Variants in PCDHGB1 observed in about 807,000 individuals in gnomAD.
PCDHGB1 encodes protocadherin gamma subfamily B, 1, also known as protocadherin gamma-B1.
A neutral mutation model predicts 56.6 loss-of-function variants in PCDHGB1; 34 were observed. The observed-to-expected ratio is 0.60, with a 90% CI of 0.46 to 0.80. The LOEUF is 0.80. Ranked by LOEUF, PCDHGB1 falls within the 30% of genes least tolerant of loss-of-function variation. The pLI, the probability that PCDHGB1 is intolerant of heterozygous loss-of-function variation, is 0.00. For missense variants in PCDHGB1, 1,278 were observed against 1,204.6 expected, an observed-to-expected ratio of 1.06 and a Z score of -0.90; for synonymous variants, 561 against 505.9, an observed-to-expected ratio of 1.11 and a Z score of -1.46.
intron 1 of PCDHGB1, chr5:141,365,501 C>T (rs1377875429): frequency 6.2e-7 from 1 of 1,613,806 alleles, no homozygotes; most frequent in African/African-American, 1.3e-5. Flanking sequence ...TAGGAATTTG[C>T]CTTTTAAATT....
chr5:141,427,881 C>T (rs774499492), intron 1 of PCDHGB1: 6 of 1,563,720 alleles, frequency 3.8e-6, no homozygotes, highest in South Asian at 3.3e-5. Context: ...GATGCAGGCC[C>T]ACGACCAGGG....
chr5:141,485,714 G>A lies in PCDHGB1; in HGVS notation c.2410-9093G>A. 6.2e-7 allele frequency: 1 copy of A among 1,614,182 alleles called. No individual in the cohort carries two copies. The highest frequency in any genetic ancestry group is 8.5e-7 in the Non-Finnish European group (1 of 1,180,042). On this transcript the variant is annotated intron_variant, in intron 1 of 3. Transcript: ENST00000523390. This position sits in a 1 kb window ranked among gnomAD's most constrained non-coding sequence, Gnocchi z 5.7. ...GAGCTCCAATGAACACTTTGCACTG[G>A]ATGTGAAGAAGCGCAGCGACGGCAG...
chr5:141,501,945 T>G (rs1318749969), intron 2 of PCDHGB1, among the ~76,000 whole-genome samples: 5 of 152,106 alleles, frequency 3.3e-5, no homozygotes, highest in African/African-American at 1.2e-4. Context: ...CACTGCTCCC[T>G]GTGACAGGTC....
Position 141,485,563 on chromosome 5 carries a change from C to T in PCDHGB1, c.2410-9244C>T, listed in dbSNP as rs746689576. The T allele has an allele frequency of 1.2e-5, 19 of 1,612,904 alleles. No homozygotes were observed. In the South Asian group the frequency reaches 1.6e-4, roughly 14 times the overall value. ...AGATCGTAGATGTGAATGATCACGCCCCCCGTTTTCCGCGGCAGCAGCTGG... is the reference window on the plus strand; with the variant it reads ...AGATCGTAGATGTGAATGATCACGCTCCCCGTTTTCCGCGGCAGCAGCTGG... On this transcript the variant is annotated intron_variant, in intron 1 of 3. Coordinates refer to ENST00000523390, the MANE Select transcript of PCDHGB1 (RefSeq NM_018922.3). This position sits in a 1 kb window ranked among gnomAD's most constrained non-coding sequence, Gnocchi z 5.7.
At chr5:141,356,309 A>G (rs1276451219) in intron 1 of PCDHGB1, 1 of 1,554,284 alleles carries the variant, frequency 6.4e-7, no homozygotes, top group Non-Finnish European at 8.7e-7. Context: ...GCACTTTTCA[A>G]CGTGCATGAC....
rs1452714844 is a variant in PCDHGB1, at chr5:141,389,265, G to A, written c.2409+36596G>A. ...GTCTTCCTATATAGTCCACGTGGCC[G>A]AGAACAACCCGCCTGGAGCCTCTAT... On this transcript the variant is annotated intron_variant, in intron 1 of 3. Transcript: ENST00000523390. 3.7e-6 allele frequency: 6 copies of A among 1,613,886 alleles called. No homozygotes were observed. The highest frequency in any genetic ancestry group is 4.5e-5 in the East Asian group (2 of 44,886).
Position 141,415,089 on chromosome 5 carries a change from C to T in PCDHGB1, c.2409+62420C>T, listed in dbSNP as rs1159857230. 1.9e-6 allele frequency: 3 copies of T among 1,613,556 alleles called. No individual in the cohort carries two copies. In the South Asian group the frequency reaches 3.3e-5, roughly 18 times the overall value. The stretch of plus-strand genomic sequence containing the variant: ...TGCGCACGGCGCGAGCCCTGCTGGA[C>T]AGAGACGCGCTCAAGCAAAGCCTCG... On this transcript the variant is annotated intron_variant, in intron 1 of 3. Coordinates refer to ENST00000523390, the MANE Select transcript of PCDHGB1 (RefSeq NM_018922.3).
At chr5:141,429,240 TGA>T (rs998506084) in intron 1 of PCDHGB1, 1 of 151,858 alleles carries the variant, frequency 6.6e-6, no homozygotes, top group Non-Finnish European at 1.5e-5. Context: ...CTGCTGTCAT[TGA>T]GATATTTTAA....
chr5:141,449,389 T>C (rs577860793), intron 1 of PCDHGB1, among the ~76,000 whole-genome samples: 5 of 151,964 alleles, frequency 3.3e-5, no homozygotes, highest in African/African-American at 1.2e-4. Flanking sequence ...GGTGGATTAC[T>C]TGAGGCCAGG....
chr5:141,490,106 T>C lies in PCDHGB1; in HGVS notation c.2410-4701T>C, dbSNP rs1314489019. On this transcript the variant is annotated intron_variant, in intron 1 of 3. Coordinates refer to ENST00000523390, the MANE Select transcript of PCDHGB1 (RefSeq NM_018922.3). The surrounding 1 kb of genome is among the most constrained non-coding windows in gnomAD (Gnocchi z 5.4). ...TTTGGAGACCACACATCTGAGGCAG[T>C]GCGGAACCTCTTTGGCCTAGACCCT... 2.5e-6 allele frequency: 4 copies of C among 1,614,246 alleles called. No homozygotes were observed. Among genetic ancestry groups the C allele is most frequent in the South Asian group, 1.1e-5 (1 of 91,086 alleles).
chr5:141,398,826 C>G (rs755219133), intron 1 of PCDHGB1: 1 of 1,613,824 alleles, frequency 6.2e-7, no homozygotes, highest in South Asian at 1.1e-5. Flanking sequence ...TCCAGGTAAC[C>G]GACGCCAATG....
intron 1 of PCDHGB1, chr5:141,356,935 C>G (rs757650292): frequency 6.2e-7 from 1 of 1,614,226 alleles, no homozygotes; most frequent in South Asian, 1.1e-5. Flanking sequence ...GGAGCTGGCA[C>G]CCCGCTCCGC....
chr5:141,421,309 C>T (rs781110850), intron 1 of PCDHGB1: 9 of 1,613,516 alleles, frequency 5.6e-6, no homozygotes, highest in Admixed American at 1.7e-5. Context: ...GCGGGGGTTC[C>T]GGGCCAGGCA....
intron 1 of PCDHGB1, chr5:141,360,236 G>T (rs377333161): frequency 3.7e-6 from 6 of 1,613,850 alleles, no homozygotes; most frequent in Non-Finnish European, 5.1e-6. Context: ...GTCCAGATCC[G>T]CTATTCAATT....
chr5:141,374,979 G>A (rs777674539), intron 1 of PCDHGB1: 31 of 1,613,984 alleles, frequency 1.9e-5, no homozygotes, highest in Non-Finnish European at 2.5e-5. Flanking sequence ...GTTTTGACTG[G>A]AGAAATTTCA....
chr5:141,361,529 ATCC>A (rs768400418), intron 1 of PCDHGB1: 1 of 1,614,030 alleles, frequency 6.2e-7, no homozygotes, highest in South Asian at 1.1e-5. Context: ...GCAGAGAACA[ATCC>A]TCCTGGCGCC....
chr5:141,501,141 A>G (rs940603527), intron 2 of PCDHGB1, among the ~76,000 whole-genome samples: 8 of 152,184 alleles, frequency 5.3e-5, no homozygotes, highest in Admixed American at 5.2e-4. Context: ...TGCTGGGATT[A>G]CAGGTGGGAG....
chr5:141,409,262 G>C (rs768196825), intron 1 of PCDHGB1: 1 of 1,613,952 alleles, frequency 6.2e-7, no homozygotes, highest in Admixed American at 1.7e-5. Flanking sequence ...TTCTCTCTCT[G>C]ATCAGATTTT....
intron 1 of PCDHGB1, chr5:141,392,860 T>G (rs726684): frequency 0.19 from 299,729 of 1,611,996 alleles, 30,027 homozygotes; most frequent in Admixed American, 0.35. Context: ...CTGATCCTGC[T>G]GTGCGCGCTG....
Sources: gnomAD v4.1 joint callset for allele counts (sites outside exome capture counted in the v4.1 genomes callset) on GRCh38, gnomAD v4.1.1 for gene constraint, Gnocchi (gnomAD v3.1) non-coding constraint, MANE v1.5 for transcripts, NCBI Gene and HGNC (gene_info 2026-07-23, HGNC 2026-07-21) for gene names.